Variants in WEE2 observed in about 807,000 individuals in gnomAD.
The protein encoded by WEE2 is wee1-like protein kinase 2.
Under a neutral mutation model 60.1 loss-of-function variants are expected in WEE2, and 50 were observed. The ratio of observed to expected loss-of-function variants is 0.83; its 90% CI spans 0.66 to 1.05. The LOEUF (loss-of-function observed/expected upper bound fraction) is 1.05, where lower values mean the gene tolerates loss of function less well. Ranked by LOEUF, WEE2 falls within the 50% of genes least tolerant of loss-of-function variation. WEE2 has a pLI of 0.00. For synonymous variants in WEE2, 240 were observed against 241.0 expected, an observed-to-expected ratio of 1.00 and a Z score of 0.04; for missense variants, 631 against 684.3, an observed-to-expected ratio of 0.92 and a Z score of 0.87.
chr7:141,730,512 TAA>T lies in WEE2; in HGVS notation c.*193_*194del. 1.9e-6 allele frequency: 1 copy of T among 534,116 alleles called. No homozygotes were observed. The highest frequency in any genetic ancestry group is 3.3e-6 in the Non-Finnish European group (1 of 299,678). The allele number at this position is 534,116 out of a possible 1,614,324, so 33.1% of individuals were successfully genotyped here. On this transcript the variant is annotated 3_prime_UTR_variant, in exon 12 of 12. Coordinates refer to ENST00000397541, the MANE Select transcript of WEE2 (RefSeq NM_001105558.1). ...TTCCCAGGTTATATGATGCTGTTCC[TAA>T]GAGAGAATTCCCAGCTTCTTTGAGG...
At chr7:141,728,720 T>A (rs1403248467) in intron 10 of WEE2, among the ~76,000 whole-genome samples, 1 of 151,776 alleles carries the variant, frequency 6.6e-6, no homozygotes, top group Non-Finnish European at 1.5e-5. Flanking sequence ...CTGTGGCCTG[T>A]TAGGAACCGG....
At chr7:141,721,516 T>C (rs1798910325) in intron 5 of WEE2, among the ~76,000 whole-genome samples, 2 of 152,144 alleles carry the variant, frequency 1.3e-5, no homozygotes, top group Non-Finnish European at 2.9e-5. Flanking sequence ...TGGAGTGCAA[T>C]GGTGTGATCT....
At chr7:141,729,784 C>G (rs1228910090) in intron 11 of WEE2, 111 bp downstream of exon 11, 9 of 1,245,328 alleles carry the variant, frequency 7.2e-6, no homozygotes, top group African/African-American at 4.6e-5. Context: ...GTCAGGAGAT[C>G]GAAACCATCC....
chr7:141,716,123 TGA>T, intron 2 of WEE2, 97 bp from the exon 3 acceptor site: 1 of 1,028,582 alleles, frequency 9.7e-7, no homozygotes, highest in Non-Finnish European at 1.4e-6. Context: ...CGAAGAGAAA[TGA>T]ATTGTCTTAT....
Position 141,725,039 on chromosome 7 carries a change from T to G in WEE2, c.1235T>G (p.Leu412Arg). The change falls in exon 9 of 12, where the codon CTT (leucine) becomes CGT (arginine). Residue 412 changes from leucine (L) to arginine (R), a missense_variant. Leu to Arg is a moderately radical substitution (Grantham distance 102). Coordinates refer to ENST00000397541, the MANE Select transcript of WEE2 (RefSeq NM_001105558.1). ...TCTGTTTTGAAGGATTACCGGCACC[T>G]TCCCAAAGCAGACATATTTGCCTTG... ...NEILQEDYRH[L>R]PKADIFALGL... 6.2e-7 allele frequency: 1 copy of G among 1,613,748 alleles called. No individual in the cohort carries two copies. The highest frequency in any genetic ancestry group is 1.7e-4 in the Middle Eastern group (1 of 6,058).
rs1302455523 is a variant in WEE2, at chr7:141,720,945, T to C, written c.769T>C (p.Leu257=). Residue 257 remains leucine (L), a synonymous_variant, in exon 5 of 12, where the codon TTG becomes CTG. Coordinates refer to ENST00000397541, the MANE Select transcript of WEE2 (RefSeq NM_001105558.1). ...FTELSNENSA[L]HEVYAHAVLG... ...TTTTCTGTCTCATAGGAATTCGGCTTTGCATGAAGTTTATGCTCACGCAGT... is the reference window on the plus strand; with the variant it reads ...TTTTCTGTCTCATAGGAATTCGGCTCTGCATGAAGTTTATGCTCACGCAGT... 1 of 1,612,332 alleles carries C rather than the reference T, an allele frequency of 6.2e-7. No homozygotes were observed. The highest frequency in any genetic ancestry group is 8.5e-7 in the Non-Finnish European group (1 of 1,178,420).
chr7:141,719,078 G>GT lies in WEE2; in HGVS notation c.596dup (p.Leu199PhefsTer11). 1 of 1,613,494 alleles carries GT rather than the reference G, an allele frequency of 6.2e-7. No homozygotes were observed. Among genetic ancestry groups the GT allele is most frequent in the South Asian group, 1.1e-5 (1 of 91,018 alleles). On this transcript the variant is annotated frameshift_variant, in exon 4 of 12. Transcript: ENST00000397541. LOFTEE classifies it high-confidence loss of function. ...TTTTATTAAAATACTTTAGAGATGT[G>GT]TTTTACGAGAAACCAACATGGCTTC...
rs1418201701 is a variant in WEE2, at chr7:141,711,147, A to C, written c.342+2047A>C. On this transcript the variant is annotated intron_variant, in intron 1 of 11. Coordinates refer to ENST00000397541, the MANE Select transcript of WEE2 (RefSeq NM_001105558.1). This position sits in a 1 kb window ranked among gnomAD's most constrained non-coding sequence, Gnocchi z 4.2. ...CTAAGGGATATATGGGTTTGGAGAA[A>C]AGCAGAGATGTGGTATAAAAAGTTG... Among the ~76,000 whole-genome samples the C allele has an allele frequency of 6.6e-6, 1 of 152,208 alleles. No homozygotes were observed. The highest frequency in any genetic ancestry group is 1.5e-5 in the Non-Finnish European group (1 of 68,040).
At position 141,708,606 on chromosome 7, in the gene WEE2, C is replaced by G. The variant is rs1020110177; in HGVS notation, c.-153C>G. 6 of 649,248 alleles carry G rather than the reference C, an allele frequency of 9.2e-6. No individual in the cohort carries two copies. Among genetic ancestry groups the G allele is most frequent in the African/African-American group, 9.1e-5 (5 of 55,098 alleles). The allele number at this position is 649,248 out of a possible 1,614,324, so 40.2% of individuals were successfully genotyped here. ...TGGTACTTAAGGCAGAAAATTAACA[C>G]CGTGTTTTGTAGCTGTTAGTTGGTA... On this transcript the variant is annotated 5_prime_UTR_variant, in exon 1 of 12. Transcript: ENST00000397541.
intron 1 of WEE2, among the ~76,000 whole-genome samples, chr7:141,713,759 A>G (rs1312130975): frequency 6.6e-6 from 1 of 152,232 alleles, no homozygotes; most frequent in African/African-American, 2.4e-5. Context: ...TCACTTCTGT[A>G]CCACTTGGCA....
At position 141,727,194 on chromosome 7, in the gene WEE2, A is replaced by C. The variant is rs1033263039; in HGVS notation, c.1393-110A>C. The C allele has an allele frequency of 2.2e-5, 26 of 1,166,010 alleles. No homozygotes were observed. In the African/African-American group the frequency reaches 4.0e-4, roughly 18 times the overall value. 72.2% of individuals were successfully genotyped at this position (1,166,010 alleles called of 1,614,324 possible). A position where few individuals can be genotyped will look rare whatever the true frequency, so the allele number is the denominator to read the frequency against. ...TCTTTCCTCTGCACAAAGCAGAAGC[A>C]ATGTCTTACAAAATCCACCAGGAGA... On this transcript the variant is annotated intron_variant, in intron 9 of 11. Transcript: ENST00000397541.
Position 141,719,330 on chromosome 7 carries a change from T to C in WEE2, c.758+86T>C, listed in dbSNP as rs1798863364. The C allele has an allele frequency of 3.2e-6, 4 of 1,244,784 alleles. No individual in the cohort carries two copies. The South Asian group carries it at 6.3e-5, about 20-fold the overall frequency. 77.1% of individuals were successfully genotyped at this position (1,244,784 alleles called of 1,614,324 possible). On this transcript the variant is annotated intron_variant, in intron 4 of 11. Coordinates refer to ENST00000397541, the MANE Select transcript of WEE2 (RefSeq NM_001105558.1). Reference sequence around the variant, plus strand: ...AAATTATTTTAAATTAAAGCACCGATGTCATTAAAAATCATTTGTGTTTTA... The same window carrying C: ...AAATTATTTTAAATTAAAGCACCGACGTCATTAAAAATCATTTGTGTTTTA...
Position 141,721,182 on chromosome 7 carries a change from ATATAT to A in WEE2, c.880+131_880+135del, listed in dbSNP as rs1417655743. 5 of 1,122,404 alleles carry A rather than the reference ATATAT, an allele frequency of 4.5e-6. No individual in the cohort carries two copies. In the African/African-American group the frequency reaches 7.9e-5, roughly 18 times the overall value. The allele number at this position is 1,122,404 out of a possible 1,614,324, so 69.5% of individuals were successfully genotyped here. A position where few individuals can be genotyped will look rare whatever the true frequency, so the allele number is the denominator to read the frequency against. On this transcript the variant is annotated intron_variant, in intron 5 of 11. Coordinates refer to ENST00000397541, the MANE Select transcript of WEE2 (RefSeq NM_001105558.1). ...CAGATATACCTAAAAAGTCTGTACT[ATATAT>A]TATAGTCTTGCTTGGAAGCACAGAG... is the stretch of plus-strand genomic sequence containing the variant.
rs1413542932 is a variant in WEE2 at position 141,720,169 on chromosome 7, T to G, written c.759-766T>G. ...TTTTTTTTTTTTTTTTTTTTTTTTTTTTTTGAGATGGAATCTAGCTCTGTT... is the reference window on the plus strand; with the variant it reads ...TTTTTTTTTTTTTTTTTTTTTTTTTGTTTTGAGATGGAATCTAGCTCTGTT... On this transcript the variant is annotated intron_variant, in intron 4 of 11. Transcript: ENST00000397541. 8.3e-4 allele frequency among the ~76,000 whole-genome samples: 79 copies of G among 94,784 alleles called. 1 individual carries two copies. The highest frequency in any genetic ancestry group is 3.5e-3 in the African/African-American group (78 of 22,190). The allele number at this position is 94,784 out of a possible 152,430, so 62.2% of individuals were successfully genotyped here. A position where few individuals can be genotyped will look rare whatever the true frequency, so the allele number is the denominator to read the frequency against.
In WEE2 at chr7:141,714,396, G is replaced by A. The variant is rs202235969; in HGVS notation, c.530G>A (p.Arg177Lys). 1.2e-5 allele frequency: 20 copies of A among 1,609,716 alleles called. No individual in the cohort carries two copies. The highest frequency in any genetic ancestry group is 3.4e-5 in the Admixed American group (2 of 59,348). Reference sequence around the variant, plus strand: ...CAATCTGGTGGCAAGAGGAAAATAAGAGGAGATCTGTAAGTGCTCTATTAC... The same window carrying A: ...CAATCTGGTGGCAAGAGGAAAATAAAAGGAGATCTGTAAGTGCTCTATTAC... ...FLQSGGKRKIRGDLEEAGPEE... is the reference protein window; with the variant it reads ...FLQSGGKRKIKGDLEEAGPEE... The change falls in exon 2 of 12, where the codon AGA becomes AAA. Residue 177 changes from arginine to lysine, a missense_variant. Coordinates refer to ENST00000397541, the MANE Select transcript of WEE2 (RefSeq NM_001105558.1).
rs778903115 is a variant in WEE2 at position 141,724,223 on chromosome 7, C to A, written c.1169C>A (p.Pro390His). ...DLGHATSINK[P>H]KVEEGDSRFL... ...GGCCACGCAACATCAATAAACAAAC[C>A]CAAAGTGGAAGAAGGAGATAGTCGC... Residue 390 changes from proline (P) to histidine (H), a missense_variant, in exon 8 of 12, where the codon CCC (proline) becomes CAC (histidine). Transcript: ENST00000397541. 6.2e-7 allele frequency: 1 copy of A among 1,613,306 alleles called. No individual in the cohort carries two copies. The highest frequency in any genetic ancestry group is 1.3e-5 in the African/African-American group (1 of 74,724).
chr7:141,708,983 A>C lies in WEE2; in HGVS notation c.225A>C (p.Glu75Asp), dbSNP rs1263212355. The change falls in exon 1 of 12, where the codon GAA becomes GAC. Residue 75 changes from glutamate to aspartate, a missense_variant. Coordinates refer to ENST00000397541, the MANE Select transcript of WEE2 (RefSeq NM_001105558.1). ...ACACATCTTCGGAAAAAGACAAAGA[A>C]AGTCCAGATCAGATTTTGAGGACTC... ...ELDTSSEKDK[E>D]SPDQILRTPV... The C allele has an allele frequency of 7.4e-6, 12 of 1,613,926 alleles. No homozygotes were observed. Among genetic ancestry groups the C allele is most frequent in the Non-Finnish European group, 9.3e-6 (11 of 1,179,988 alleles).
chr7:141,723,137 G>A lies in WEE2; in HGVS notation c.884G>A (p.Gly295Glu). 1 of 1,614,010 alleles carries A rather than the reference G, an allele frequency of 6.2e-7. No homozygotes were observed. Among genetic ancestry groups the A allele is most frequent in the Non-Finnish European group, 8.5e-7 (1 of 1,179,976 alleles). The change falls in exon 6 of 12, where the codon GGG (glycine) becomes GAG (glutamate). Residue 295 changes from glycine (G) to glutamate (E), a missense_variant. Gly to Glu is a moderately conservative substitution (Grantham distance 98). Coordinates refer to ENST00000397541, the MANE Select transcript of WEE2 (RefSeq NM_001105558.1). The stretch of plus-strand genomic sequence containing the variant: ...GTTCTCTGTTGTTCTTTCCCAGGTG[G>A]GAGTTTGCAAGCTGCTATATCTGAA... ...MIIQNEYCNG[G>E]SLQAAISENT...
rs376320775 is a variant in WEE2 at position 141,719,210 on chromosome 7, C to A, written c.724C>A (p.Arg242Ser). Residue 242 changes from arginine to serine, a missense_variant, in exon 4 of 12, where the codon CGC becomes AGC. By Grantham distance (110) the Arg-to-Ser change is moderately radical. Transcript: ENST00000397541. ...RLDGCVYAIK[R>S]SMKTFTELSN... is the part of the protein sequence containing the mutation. ...GGATGGATGTGTTTATGCAATAAAGCGCTCTATGAAAACTTTTACAGAATT... is the reference window on the plus strand; with the variant it reads ...GGATGGATGTGTTTATGCAATAAAGAGCTCTATGAAAACTTTTACAGAATT... 3.7e-6 allele frequency: 6 copies of A among 1,611,126 alleles called. No individual in the cohort carries two copies. Among genetic ancestry groups the A allele is most frequent in the Non-Finnish European group, 5.1e-6 (6 of 1,178,678 alleles).
Sources: allele counts gnomAD v4.1 joint callset (sites outside exome capture counted in the v4.1 genomes callset), GRCh38; gene constraint gnomAD v4.1.1; non-coding constraint Gnocchi (gnomAD v3.1); transcripts MANE v1.5; gene names NCBI Gene and HGNC (gene_info 2026-07-23, HGNC 2026-07-21).